Variants in FGF12 observed in about 807,000 individuals in gnomAD.
FGF12 encodes fibroblast growth factor 12.
Under a neutral mutation model 23.6 loss-of-function variants are expected in FGF12, and 14 were observed. That is an observed-to-expected ratio of 0.59 (90% confidence interval 0.39 to 0.93). The LOEUF (loss-of-function observed/expected upper bound fraction) is 0.93, where lower values mean the gene tolerates loss of function less well. FGF12 is among the 40% of genes least tolerant of loss of function. FGF12 has a pLI of 0.00. For synonymous variants in FGF12, 62 were observed against 77.3 expected (o/e 0.80, Z 1.04); for missense variants, 175 against 217.8 (o/e 0.80, Z 1.24).
chr3:192,451,300 T>C (rs1037441724), intron 2 of FGF12, among the ~76,000 whole-genome samples: 1 of 152,214 alleles, frequency 6.6e-6, no homozygotes, highest in Non-Finnish European at 1.5e-5. Context: ...AACACTCTCT[T>C]TGTTCTATGC....
intron 5 of FGF12, among the ~76,000 whole-genome samples, chr3:192,147,596 G>A (rs1713796754): frequency 6.6e-6 from 1 of 152,096 alleles, no homozygotes; most frequent in Non-Finnish European, 1.5e-5. Flanking sequence ...ATTTTAAATT[G>A]ATTAACTAAA....
chr3:192,727,462 ATTTTTT>A lies in FGF12; in HGVS notation c.-131+16_-131+21del. 2.3e-5 allele frequency: 13 copies of A among 561,414 alleles called. No homozygotes were observed. The highest frequency in any genetic ancestry group is 9.4e-5 in the South Asian group (4 of 42,532). The allele number at this position is 561,414 out of a possible 1,614,324, so 34.8% of individuals were successfully genotyped here. On this transcript the variant is annotated intron_variant, in intron 1 of 5. Transcript: ENST00000445105. Reference sequence around the variant, plus strand: ...AAATGCATGCACAGTGCCCGCTCAGATTTTTTTTTTTTTTTTTTTACCTGGGTCTGG... The same window carrying A: ...AAATGCATGCACAGTGCCCGCTCAGATTTTTTTTTTTTTACCTGGGTCTGG...
chr3:192,356,214 G>T (rs1333828287), intron 3 of FGF12, among the ~76,000 whole-genome samples: 1 of 152,078 alleles, frequency 6.6e-6, no homozygotes, highest in Non-Finnish European at 1.5e-5. Flanking sequence ...GGGTTTTCTT[G>T]TAAACCTCTC....
At chr3:192,157,058 CT>C (rs1168346744) in intron 5 of FGF12, among the ~76,000 whole-genome samples, 1 of 152,122 alleles carries the variant, frequency 6.6e-6, no homozygotes, top group Non-Finnish European at 1.5e-5. Flanking sequence ...AGTGTTCCTC[CT>C]TATTTTCAGA....
intron 3 of FGF12, among the ~76,000 whole-genome samples, chr3:192,348,514 G>A (rs1525908): frequency 0.22 from 34,132 of 152,006 alleles, 4,056 homozygotes; most frequent in Admixed American, 0.29. Flanking sequence ...ACACATTGAA[G>A]AAAAATCCTT....
chr3:192,368,482 G>C (rs370176616), intron 2 of FGF12, among the ~76,000 whole-genome samples: 1 of 152,148 alleles, frequency 6.6e-6, no homozygotes, highest in African/African-American at 2.4e-5. Context: ...TAAAGAAAGA[G>C]AGGAAGGAAA....
chr3:192,207,425 T>C (rs1430507422), intron 4 of FGF12, among the ~76,000 whole-genome samples: 1 of 152,190 alleles, frequency 6.6e-6, no homozygotes, highest in African/African-American at 2.4e-5. Context: ...GGAACAGTGA[T>C]ATTTGAGCTG....
chr3:192,227,336 C>T (rs1019873710), intron 4 of FGF12, among the ~76,000 whole-genome samples: 4 of 152,076 alleles, frequency 2.6e-5, no homozygotes, highest in Non-Finnish European at 4.4e-5. Context: ...GCCTTAACTC[C>T]GTACCCTGTG....
At position 192,378,036 on chromosome 3, in the gene FGF12, T is replaced by TTCTTTCTA. The variant is rs1560091675; in HGVS notation, c.14-17499_14-17498insTAGAAAGA. On this transcript the variant is annotated intron_variant, in intron 2 of 5. Transcript: ENST00000445105. The stretch of plus-strand genomic sequence containing the variant: ...TCTTCTGACTCTTTCTTTTCTTTCT[T>TTCTTTCTA]TCTTTCTTTCTTTCTTTCTTTCTTT... Among the ~76,000 whole-genome samples the TTCTTTCTA allele has an allele frequency of 3.0e-4, 20 of 65,894 alleles. 4 individuals are homozygous for TTCTTTCTA. 43.2% of individuals were successfully genotyped at this position (65,894 alleles called of 152,430 possible).
intron 4 of FGF12, among the ~76,000 whole-genome samples, chr3:192,309,556 G>C (rs1172560660): frequency 6.6e-6 from 1 of 151,990 alleles, no homozygotes; most frequent in Non-Finnish European, 1.5e-5. Flanking sequence ...GTGGGAGAGA[G>C]GTACAAGCAG....
intron 4 of FGF12, among the ~76,000 whole-genome samples, chr3:192,241,842 C>T (rs145110693): frequency 1.1e-3 from 174 of 152,170 alleles, no homozygotes; most frequent in Non-Finnish European, 2.1e-3. Context: ...GAAATTCATA[C>T]GGCTAAATTC....
intron 4 of FGF12, among the ~76,000 whole-genome samples, chr3:192,253,568 T>C (rs747420700): frequency 2.6e-5 from 4 of 152,058 alleles, no homozygotes; most frequent in Non-Finnish European, 5.9e-5. Context: ...GTTAAATGTG[T>C]CCAGAATTAC....
intron 4 of FGF12, among the ~76,000 whole-genome samples, chr3:192,330,645 G>A (rs1201925438): frequency 6.6e-6 from 1 of 152,096 alleles, no homozygotes; most frequent in Non-Finnish European, 1.5e-5. Context: ...GGAGATTGCA[G>A]TGAGCTGAGA....
Position 192,408,516 on chromosome 3 carries a change from A to G in FGF12, c.14-47978T>C. On this transcript the variant is annotated intron_variant, in intron 2 of 5. Coordinates refer to ENST00000445105, the MANE Select transcript of FGF12 (RefSeq NM_004113.6). The surrounding 1 kb of genome is among the most constrained non-coding windows in gnomAD (Gnocchi z 7.3). ...TTGCGAAGTAGACGTTTGCACCCCA[A>G]ACTTGCACCCCAAGGCGATCGGCGT... is the stretch of plus-strand genomic sequence containing the variant. The G allele has an allele frequency of 8.2e-7, 1 of 1,226,340 alleles. No homozygotes were observed. Among genetic ancestry groups the G allele is most frequent in the African/African-American group, 1.6e-5 (1 of 63,936 alleles). 76.0% of individuals were successfully genotyped at this position (1,226,340 alleles called of 1,614,324 possible).
rs537129541 is a variant in FGF12 at position 192,345,555 on chromosome 3, C to T, written c.125-10091G>A. 3.2e-5 allele frequency among the ~76,000 whole-genome samples: 3 copies of T among 93,790 alleles called. 1 individual carries two copies. The highest frequency in any genetic ancestry group is 5.4e-5 in the Non-Finnish European group (3 of 56,048). The allele number at this position is 93,790 out of a possible 152,430, so 61.5% of individuals were successfully genotyped here. ...ACAAAAAATTAGCCGGGCGTGGTAGCGGGCGCCTGTAGTCCCAGCTACTCG... is the reference window on the plus strand; with the variant it reads ...ACAAAAAATTAGCCGGGCGTGGTAGTGGGCGCCTGTAGTCCCAGCTACTCG... On this transcript the variant is annotated intron_variant, in intron 3 of 5. Coordinates refer to ENST00000445105, the MANE Select transcript of FGF12 (RefSeq NM_004113.6).
At chr3:192,585,475 C>T (rs559445174) in intron 2 of FGF12, among the ~76,000 whole-genome samples, 85 of 152,204 alleles carry the variant, frequency 5.6e-4, no homozygotes, top group African/African-American at 2.0e-3. Context: ...AAGTTTCCTG[C>T]TCCCACTCTA....
At chr3:192,453,916 A>G (rs576457848) in intron 2 of FGF12, among the ~76,000 whole-genome samples, 14 of 152,332 alleles carry the variant, frequency 9.2e-5, no homozygotes, top group African/African-American at 2.9e-4. Context: ...ATCTATGTAA[A>G]TAATACATAT....
intron 2 of FGF12, among the ~76,000 whole-genome samples, chr3:192,510,610 C>A (rs1338233986): frequency 6.6e-6 from 1 of 152,188 alleles, no homozygotes; most frequent in African/African-American, 2.4e-5. Context: ...AATAGCTGTG[C>A]TCCTTGATAT....
chr3:192,680,468 G>A (rs1717484732), intron 2 of FGF12, among the ~76,000 whole-genome samples: 1 of 152,168 alleles, frequency 6.6e-6, no homozygotes, highest in South Asian at 2.1e-4. Context: ...GGGAGGTTAT[G>A]AAGAAAGGAG....
Sources: gnomAD v4.1 joint callset for allele counts (sites outside exome capture counted in the v4.1 genomes callset) on GRCh38, gnomAD v4.1.1 for gene constraint, Gnocchi (gnomAD v3.1) non-coding constraint, MANE v1.5 for transcripts, NCBI Gene and HGNC (gene_info 2026-07-23, HGNC 2026-07-21) for gene names.